Variants in LPAR1 observed in about 807,000 individuals in gnomAD.
LPAR1 encodes LPA receptor 1.
Under a neutral mutation model 23.8 loss-of-function variants are expected in LPAR1, and 5 were observed. That is an observed-to-expected ratio of 0.21 (90% confidence interval 0.11 to 0.44). LPAR1 has a LOEUF of 0.44. Ranked by LOEUF, LPAR1 falls within the 20% of genes least tolerant of loss-of-function variation. LPAR1 has a pLI of 0.99. For synonymous variants in LPAR1, 160 were observed against 164.7 expected (o/e 0.97, Z 0.22); for missense variants, 311 against 482.8 (o/e 0.64, Z 3.33).
chr9:111,014,032 C>T (rs2097386780), intron 2 of LPAR1, among the ~76,000 whole-genome samples: 2 of 152,128 alleles, frequency 1.3e-5, no homozygotes, highest in Admixed American at 1.3e-4. Context: ...CCTCCTGCTC[C>T]CTCCATTCTT....
At chr9:110,969,459 C>G (rs1411871418) in intron 4 of LPAR1, among the ~76,000 whole-genome samples, 1 of 151,996 alleles carries the variant, frequency 6.6e-6, no homozygotes, top group Non-Finnish European at 1.5e-5. Flanking sequence ...TGGCTGTAAT[C>G]CCAGAACTTT....
At chr9:110,894,998 A>G (rs1018787437) in intron 5 of LPAR1, among the ~76,000 whole-genome samples, 2 of 152,226 alleles carry the variant, frequency 1.3e-5, no homozygotes, top group Admixed American at 6.5e-5. Context: ...AGCCTGGATG[A>G]CAAAGCAAGA....
chr9:110,923,209 T>A (rs1588343044), intron 5 of LPAR1, among the ~76,000 whole-genome samples: 1 of 152,194 alleles, frequency 6.6e-6, no homozygotes, highest in African/African-American at 2.4e-5. Flanking sequence ...GGCAATATGA[T>A]AATCTGATGA....
intron 5 of LPAR1, among the ~76,000 whole-genome samples, chr9:110,935,131 T>C (rs577348435): frequency 1.3e-5 from 2 of 152,278 alleles, no homozygotes; most frequent in African/African-American, 4.8e-5. Context: ...TGTTTACACC[T>C]AATCCTGGCT....
chr9:110,983,861 TA>T (rs2096725325), intron 2 of LPAR1, among the ~76,000 whole-genome samples: 1 of 151,248 alleles, frequency 6.6e-6, no homozygotes, highest in South Asian at 2.1e-4. Flanking sequence ...GATGAAGGAA[TA>T]AATTTCAAGA....
chr9:110,882,260 G>A (rs1301319838), intron 5 of LPAR1, among the ~76,000 whole-genome samples: 1 of 152,160 alleles, frequency 6.6e-6, no homozygotes, highest in Non-Finnish European at 1.5e-5. Flanking sequence ...CATGAAGGAA[G>A]GAATGCTACC....
chr9:110,990,829 T>C (rs2096879222), intron 2 of LPAR1, among the ~76,000 whole-genome samples: 1 of 152,056 alleles, frequency 6.6e-6, no homozygotes, highest in African/African-American at 2.4e-5. Flanking sequence ...CTAACCAGAT[T>C]AGTCGAGAAA....
intron 4 of LPAR1, among the ~76,000 whole-genome samples, chr9:110,958,044 C>T (rs934404760): frequency 1.3e-5 from 2 of 152,072 alleles, no homozygotes; most frequent in African/African-American, 2.4e-5. Context: ...AAGACCTCTT[C>T]AAGGAAAACT....
intron 1 of LPAR1, among the ~76,000 whole-genome samples, chr9:111,036,670 G>C (rs1007632770): frequency 6.6e-6 from 1 of 152,180 alleles, no homozygotes; most frequent in African/African-American, 2.4e-5. Context: ...AGGGGACGTG[G>C]TGTACCTTGC....
At chr9:110,963,458 G>A (rs1213791460) in intron 4 of LPAR1, among the ~76,000 whole-genome samples, 3 of 152,094 alleles carry the variant, frequency 2.0e-5, no homozygotes. Context: ...ATCCAACGTG[G>A]CCTTCCTTTG....
chr9:110,979,158 T>C (rs1404459685), intron 2 of LPAR1, among the ~76,000 whole-genome samples: 1 of 152,100 alleles, frequency 6.6e-6, no homozygotes, highest in East Asian at 1.9e-4. Flanking sequence ...GACTTAACCA[T>C]TCCACAATAT....
intron 5 of LPAR1, among the ~76,000 whole-genome samples, chr9:110,913,481 A>G (rs767105391): frequency 6.6e-6 from 1 of 150,964 alleles, no homozygotes; most frequent in Non-Finnish European, 1.5e-5. Context: ...AAGTTTTGCA[A>G]AAGTATTGAT....
chr9:111,014,935 T>C (rs2097411255), intron 2 of LPAR1, among the ~76,000 whole-genome samples: 1 of 151,536 alleles, frequency 6.6e-6, no homozygotes, highest in African/African-American at 2.4e-5. Flanking sequence ...GTGACCACAT[T>C]TGGAGCCAGG....
intron 4 of LPAR1, among the ~76,000 whole-genome samples, chr9:110,948,213 T>A (rs1397661547): frequency 6.6e-6 from 1 of 152,210 alleles, no homozygotes; most frequent in Non-Finnish European, 1.5e-5. Flanking sequence ...CAGCATAGAA[T>A]TTAATTAAAT....
chr9:110,960,329 T>C (rs1306648322), intron 4 of LPAR1, among the ~76,000 whole-genome samples: 2 of 152,174 alleles, frequency 1.3e-5, no homozygotes, highest in African/African-American at 4.8e-5. Context: ...TGTACAAATA[T>C]TATGTATCAA....
intron 4 of LPAR1, among the ~76,000 whole-genome samples, chr9:110,959,290 G>A (rs941176967): frequency 4.6e-5 from 7 of 151,608 alleles, no homozygotes; most frequent in African/African-American, 4.9e-5. Context: ...ATGGAAGGAA[G>A]GGAGGAAGGG....
intron 2 of LPAR1, among the ~76,000 whole-genome samples, chr9:111,000,127 G>A (rs543174502): frequency 1.3e-5 from 2 of 152,238 alleles, no homozygotes; most frequent in South Asian, 4.1e-4. Flanking sequence ...TGAATTTCAG[G>A]GAGACACATT....
At chr9:111,005,866 T>A (rs2097209448) in intron 2 of LPAR1, among the ~76,000 whole-genome samples, 1 of 152,138 alleles carries the variant, frequency 6.6e-6, no homozygotes, top group Non-Finnish European at 1.5e-5. Context: ...CACACACACA[T>A]CATCAGCAGT....
chr9:110,995,431 G>A (rs2096979582), intron 2 of LPAR1, among the ~76,000 whole-genome samples: 1 of 152,122 alleles, frequency 6.6e-6, no homozygotes, highest in South Asian at 2.1e-4. Flanking sequence ...ACTTCAGCAT[G>A]GGAAAAATAA....
Sources: gnomAD v4.1 joint callset for allele counts (sites outside exome capture counted in the v4.1 genomes callset) on GRCh38, gnomAD v4.1.1 for gene constraint, MANE v1.5 for transcripts, NCBI Gene and HGNC (gene_info 2026-07-23, HGNC 2026-07-21) for gene names.